PCDHGA6: variants seen among roughly 807,000 people sequenced by gnomAD.
PCDHGA6 encodes protocadherin gamma subfamily A, 6, also known as protocadherin gamma-A6.
Under a neutral mutation model 60.6 loss-of-function variants are expected in PCDHGA6, and 41 were observed. The observed-to-expected ratio is 0.68, with a 90% CI of 0.53 to 0.88. The LOEUF (loss-of-function observed/expected upper bound fraction) is 0.88. PCDHGA6 is among the 40% of genes least tolerant of loss of function. The pLI is 0.00. For missense variants in PCDHGA6, 1,312 were observed against 1,203.0 expected (o/e 1.09, Z -1.34); for synonymous variants, 594 against 524.4 (o/e 1.13, Z -1.81).
intron 1 of PCDHGA6, chr5:141,415,035 C>G (rs368588973): frequency 5.6e-6 from 9 of 1,613,578 alleles, no homozygotes; most frequent in South Asian, 1.1e-5. Context: ...AGCCGGGACT[C>G]TTCGCGGTGG....
chr5:141,481,901 G>A (rs1297925755), intron 1 of PCDHGA6, among the ~76,000 whole-genome samples: 2 of 125,298 alleles, frequency 1.6e-5, no homozygotes, highest in Non-Finnish European at 3.2e-5. Context: ...GTGAAAGAGC[G>A]AAACTCCATC....
intron 1 of PCDHGA6, among the ~76,000 whole-genome samples, chr5:141,488,511 G>A (rs2099676160): frequency 6.6e-6 from 1 of 152,162 alleles, no homozygotes. Context: ...CCACATTTGG[G>A]GTCTGGGGTG....
chr5:141,407,471 A>G (rs1343289603), intron 1 of PCDHGA6, among the ~76,000 whole-genome samples: 1 of 146,104 alleles, frequency 6.8e-6, no homozygotes, highest in African/African-American at 2.5e-5. Context: ...AGATGACTGA[A>G]TGGAGTATGG....
At chr5:141,433,070 CCCCAG>C in intron 1 of PCDHGA6, 1 of 1,614,174 alleles carries the variant, frequency 6.2e-7, no homozygotes, top group Non-Finnish European at 8.5e-7. Context: ...CCTGATCTTC[CCCCAG>C]CCCAACTATG....
intron 1 of PCDHGA6, chr5:141,385,279 T>C (rs1781077881): frequency 1.2e-6 from 2 of 1,613,486 alleles, no homozygotes; most frequent in African/African-American, 2.7e-5. Flanking sequence ...TTTGCTAACA[T>C]CCGTAGATTT....
At chr5:141,498,793 T>C (rs2154592354) in intron 2 of PCDHGA6, among the ~76,000 whole-genome samples, 1 of 152,028 alleles carries the variant, frequency 6.6e-6, no homozygotes, top group Non-Finnish European at 1.5e-5. Context: ...ATTAGCCAGG[T>C]GTGGTGGTGC....
chr5:141,420,111 C>T (rs747723647), intron 1 of PCDHGA6: 1 of 1,613,966 alleles, frequency 6.2e-7, no homozygotes, highest in African/African-American at 1.3e-5. Flanking sequence ...TTGCCCTATG[C>T]CTATAATTTT....
intron 1 of PCDHGA6, chr5:141,433,309 T>C: frequency 1.1e-6 from 1 of 901,134 alleles, no homozygotes; most frequent in Admixed American, 2.7e-5. Context: ...TTATCCCACC[T>C]TTGCCTCCGG....
At chr5:141,418,563 C>T in intron 1 of PCDHGA6, 2 of 1,613,998 alleles carry the variant, frequency 1.2e-6, no homozygotes, top group Non-Finnish European at 1.7e-6. Context: ...GTAATAGATG[C>T]CAATGACAAC....
intron 1 of PCDHGA6, chr5:141,421,949 C>T (rs749189262): frequency 6.2e-6 from 10 of 1,612,856 alleles, no homozygotes; most frequent in Non-Finnish European, 6.8e-6. Flanking sequence ...GATCACATCC[C>T]AATGTTTACA....
At chr5:141,383,694 T>C (rs369728109) in intron 1 of PCDHGA6, 13 of 1,613,890 alleles carry the variant, frequency 8.1e-6, no homozygotes, top group Middle Eastern at 1.6e-4. Context: ...TCACGGTACA[T>C]GCTATCGACC....
chr5:141,423,009 G>T (rs371209178), intron 1 of PCDHGA6: 3 of 1,614,222 alleles, frequency 1.9e-6, no homozygotes, highest in Non-Finnish European at 2.5e-6. Context: ...AGGTGGTTGC[G>T]GTGGACAAAG....
In PCDHGA6 at chr5:141,398,897, C is replaced by A. The variant is rs761364649; in HGVS notation, c.2424+22390C>A. On this transcript the variant is annotated intron_variant, in intron 1 of 3. Coordinates refer to ENST00000517434, the MANE Select transcript of PCDHGA6 (RefSeq NM_018919.3). The stretch of plus-strand genomic sequence containing the variant: ...GTCAGCCTTCGGGAAAACGTGCCAC[C>A]AGGCACCACTGTGTTGCAAGTGTCA... 6 of 1,613,932 alleles carry A rather than the reference C, an allele frequency of 3.7e-6. No homozygotes were observed. The South Asian group carries it at 6.6e-5, about 18-fold the overall frequency.
intron 1 of PCDHGA6, chr5:141,405,447 T>C (rs2094668355): frequency 7.5e-7 from 1 of 1,339,134 alleles, no homozygotes; most frequent in South Asian, 1.3e-5. Flanking sequence ...TGAGACAGAG[T>C]CTTACTCTGT....
intron 1 of PCDHGA6, among the ~76,000 whole-genome samples, chr5:141,438,633 TATACACAC>T (rs1401551511): frequency 0.055 from 1,851 of 33,458 alleles, 10 homozygotes; most frequent in African/African-American, 0.082. Flanking sequence ...TATATATATA[TATACACAC>T]ACACACACAC....
intron 1 of PCDHGA6, chr5:141,415,172 T>G (rs770772038): frequency 1.2e-6 from 2 of 1,613,882 alleles, no homozygotes; most frequent in Non-Finnish European, 1.7e-6. Context: ...ACGCTCACCG[T>G]GGCCGTGGCC....
In PCDHGA6 at chr5:141,461,039, C is replaced by T. The variant is rs1026091108; in HGVS notation, c.2425-33768C>T. On this transcript the variant is annotated intron_variant, in intron 1 of 3. Coordinates refer to ENST00000517434, the MANE Select transcript of PCDHGA6 (RefSeq NM_018919.3). ...ACATTTTCTTTATCCACTCATTAGT[C>T]GATGGGGACTTAGGTTGGTTTCACA... is the stretch of plus-strand genomic sequence containing the variant. 2.7e-5 allele frequency among the ~76,000 whole-genome samples: 4 copies of T among 150,906 alleles called. No homozygotes were observed. In the East Asian group the frequency reaches 7.8e-4, roughly 29 times the overall value.
At position 141,491,613 on chromosome 5, in the gene PCDHGA6, A is replaced by AC; in HGVS notation, c.2425-3190dup. On this transcript the variant is annotated intron_variant, in intron 1 of 3. Coordinates refer to ENST00000517434, the MANE Select transcript of PCDHGA6 (RefSeq NM_018919.3). The surrounding 1 kb of genome is among the most constrained non-coding windows in gnomAD (Gnocchi z 6.9). Reference sequence around the variant, plus strand: ...ACGGCAGTGACTTCACTTTTCTAAGACCCCTCAGCGTTCAGCAGCCCACAG... The same window carrying AC: ...ACGGCAGTGACTTCACTTTTCTAAGACCCCCTCAGCGTTCAGCAGCCCACAG... 6.2e-7 allele frequency: 1 copy of AC among 1,613,568 alleles called. No homozygotes were observed. Among genetic ancestry groups the AC allele is most frequent in the Non-Finnish European group, 8.5e-7 (1 of 1,179,968 alleles).
At chr5:141,428,613 CAAGAT>C (rs1385471747) in intron 1 of PCDHGA6, 1 of 212,608 alleles carries the variant, frequency 4.7e-6, no homozygotes, top group African/African-American at 2.3e-5. Flanking sequence ...AAGAGAATAA[CAAGAT>C]AAGCTCTAAC....
Sources: gnomAD v4.1 joint callset for allele counts (sites outside exome capture counted in the v4.1 genomes callset) on GRCh38, gnomAD v4.1.1 for gene constraint, Gnocchi (gnomAD v3.1) non-coding constraint, MANE v1.5 for transcripts, NCBI Gene and HGNC (gene_info 2026-07-23, HGNC 2026-07-21) for gene names.